ANTXR2: variants seen among roughly 807,000 people sequenced by gnomAD.
ANTXR2 encodes anthrax toxin receptor 2.
Under a neutral mutation model 73.7 loss-of-function variants are expected in ANTXR2, and 44 were observed. The observed-to-expected ratio is 0.60, with a 90% CI of 0.47 to 0.77. ANTXR2 has a LOEUF of 0.77. ANTXR2 is among the 30% of genes least tolerant of loss of function. The pLI is 0.00. For synonymous variants in ANTXR2, 217 were observed against 205.9 expected (o/e 1.05, Z -0.46); for missense variants, 604 against 592.5 (o/e 1.02, Z -0.20).
chr4:80,054,395 C>G, intron 6 of ANTXR2, 43 bp from the exon 7 acceptor site: 1 of 1,347,066 alleles, frequency 7.4e-7, no homozygotes, highest in Non-Finnish European at 1.0e-6. Flanking sequence ...GTGGCTGACA[C>G]ATACAACAAT....
At chr4:80,011,840 T>C (rs1391861423) in intron 11 of ANTXR2, among the ~76,000 whole-genome samples, 1 of 152,248 alleles carries the variant, frequency 6.6e-6, no homozygotes, top group Non-Finnish European at 1.5e-5. Context: ...CCTGAATTTG[T>C]ATCCAGTTAA....
At chr4:80,070,149 A>G (rs539622273) in intron 2 of ANTXR2, among the ~76,000 whole-genome samples, 10 of 152,336 alleles carry the variant, frequency 6.6e-5, no homozygotes, top group African/African-American at 2.4e-4. Context: ...CACTCTCTGC[A>G]ACTACTACTA....
At chr4:80,063,704 T>C (rs1348369400) in intron 3 of ANTXR2, among the ~76,000 whole-genome samples, 6 of 152,146 alleles carry the variant, frequency 3.9e-5, no homozygotes, top group African/African-American at 1.4e-4. Context: ...CTTTTAAACT[T>C]AGTATATCTC....
intron 12 of ANTXR2, 39 bp downstream of exon 12, chr4:80,008,482 A>G (rs757424613): frequency 1.3e-6 from 2 of 1,491,796 alleles, no homozygotes; most frequent in South Asian, 1.2e-5. Context: ...ACATCTTTCT[A>G]ATTTTTTTTA....
intron 7 of ANTXR2, among the ~76,000 whole-genome samples, chr4:80,052,374 GC>G (rs1259098083): frequency 6.6e-6 from 1 of 151,534 alleles, no homozygotes; most frequent in African/African-American, 2.4e-5. Flanking sequence ...AGCAATCTTT[GC>G]CCTTGAAAAT....
chr4:80,072,294 C>T (rs557014635), intron 1 of ANTXR2, 115 bp downstream of exon 1: 1 of 1,201,514 alleles, frequency 8.3e-7, no homozygotes, highest in East Asian at 3.0e-5. Flanking sequence ...ACAGGGCACC[C>T]CTCCGCGGGT....
chr4:80,001,097 G>A (rs1357585922), intron 12 of ANTXR2, among the ~76,000 whole-genome samples: 1 of 152,000 alleles, frequency 6.6e-6, no homozygotes, highest in African/African-American at 2.4e-5. Context: ...TAACTTCAAA[G>A]TTACAAAACA....
intron 8 of ANTXR2, among the ~76,000 whole-genome samples, chr4:80,034,588 G>C (rs1194159262): frequency 2.0e-5 from 3 of 152,014 alleles, no homozygotes; most frequent in Admixed American, 1.3e-4. Flanking sequence ...AAGTTTGTTG[G>C]TTGTTTTTGA....
chr4:79,988,227 TTTTATATATATATATA>T (rs1730280783), intron 12 of ANTXR2, among the ~76,000 whole-genome samples: 1 of 90,482 alleles, frequency 1.1e-5, no homozygotes, highest in South Asian at 3.6e-4. Flanking sequence ...CTCACATAAA[TTTTATATATATATATA>T]TATATATATA....
intron 3 of ANTXR2, among the ~76,000 whole-genome samples, chr4:80,058,537 G>A (rs371086752): frequency 9.2e-4 from 140 of 151,978 alleles, no homozygotes; most frequent in African/African-American, 3.3e-3. Context: ...AACAAGACAG[G>A]GCAGACAGAT....
intron 16 of ANTXR2, among the ~76,000 whole-genome samples, chr4:79,956,434 G>A (rs958415970): frequency 2.0e-5 from 3 of 152,010 alleles, no homozygotes; most frequent in African/African-American, 4.8e-5. Context: ...AATAACGAGC[G>A]TTCACTGGAT....
At chr4:80,048,764 C>T (rs1350107061) in intron 7 of ANTXR2, among the ~76,000 whole-genome samples, 1 of 151,580 alleles carries the variant, frequency 6.6e-6, no homozygotes, top group African/African-American at 2.4e-5. Flanking sequence ...GTGTTAGACA[C>T]TTTTCTTCTT....
At chr4:79,910,311 C>T (rs967591233) in intron 16 of ANTXR2, among the ~76,000 whole-genome samples, 6 of 151,920 alleles carry the variant, frequency 3.9e-5, no homozygotes, top group African/African-American at 1.2e-4. Flanking sequence ...GAGATCAAGA[C>T]CATCCTGGCC....
At chr4:79,999,178 A>G (rs1025380193) in intron 12 of ANTXR2, among the ~76,000 whole-genome samples, 127 of 152,002 alleles carry the variant, frequency 8.4e-4, no homozygotes, top group African/African-American at 2.9e-3. Flanking sequence ...CTTTGTCCCC[A>G]CCCAAATCTC....
chr4:80,031,368 A>G lies in ANTXR2; in HGVS notation c.866+255T>C, dbSNP rs576873094. Among the ~76,000 whole-genome samples the G allele has an allele frequency of 9.2e-5, 14 of 152,028 alleles. No individual in the cohort carries two copies. In the South Asian group the frequency reaches 2.7e-3, roughly 29 times the overall value. ...TAATAGTTCTCAAACCCATCCAGATAAATATTCATAGAGCCTTTTAATCAG... is the reference window on the plus strand; with the variant it reads ...TAATAGTTCTCAAACCCATCCAGATGAATATTCATAGAGCCTTTTAATCAG... On this transcript the variant is annotated intron_variant, in intron 10 of 16. Coordinates refer to ENST00000403729, the MANE Select transcript of ANTXR2 (RefSeq NM_058172.6).
intron 11 of ANTXR2, among the ~76,000 whole-genome samples, chr4:80,017,960 T>G (rs138882393): frequency 4.3e-4 from 65 of 152,314 alleles, no homozygotes; most frequent in Middle Eastern, 3.4e-3. Flanking sequence ...AGGGTCCATA[T>G]GATGTGCCTT....
At chr4:80,048,799 C>T (rs1733637187) in intron 7 of ANTXR2, among the ~76,000 whole-genome samples, 1 of 151,588 alleles carries the variant, frequency 6.6e-6, no homozygotes, top group Non-Finnish European at 1.5e-5. Flanking sequence ...GAACAAACAA[C>T]AACAGACATT....
chr4:80,072,218 C>T (rs954367118), intron 1 of ANTXR2, among the ~76,000 whole-genome samples, 191 bp downstream of exon 1: 2 of 152,268 alleles, frequency 1.3e-5, no homozygotes, highest in South Asian at 4.1e-4. Context: ...CCAATCACTA[C>T]CCCCGACCCG....
intron 16 of ANTXR2, among the ~76,000 whole-genome samples, chr4:79,933,936 C>T (rs889071190): frequency 1.3e-5 from 2 of 151,826 alleles, no homozygotes; most frequent in Admixed American, 6.6e-5. Flanking sequence ...GATGGGGTTT[C>T]GCCGTGTTAG....
Sources: allele counts gnomAD v4.1 joint callset (sites outside exome capture counted in the v4.1 genomes callset), GRCh38; gene constraint gnomAD v4.1.1; transcripts MANE v1.5; gene names NCBI Gene and HGNC (gene_info 2026-07-23, HGNC 2026-07-21).